Variants in LIMD1 observed in about 807,000 individuals in gnomAD.
LIMD1 encodes the protein LIM domain-containing protein 1.
In LIMD1, 23 loss-of-function variants were observed where a neutral mutation model predicts 58.4. The observed-to-expected ratio is 0.39, with a 90% CI of 0.28 to 0.56. The LOEUF is 0.56. Among genes scored for constraint, LIMD1 ranks in the 20% least tolerant of loss-of-function variants. The pLI is 0.57. For synonymous variants in LIMD1, 334 were observed against 345.5 expected (o/e 0.97, Z 0.37); for missense variants, 838 against 855.5 (o/e 0.98, Z 0.25).
intron 1 of LIMD1, among the ~76,000 whole-genome samples, chr3:45,612,690 C>G (rs761824433): frequency 5.9e-5 from 9 of 152,190 alleles, no homozygotes; most frequent in Non-Finnish European, 2.9e-5. Context: ...GTGCTCACCT[C>G]CAGGCAACTA....
At chr3:45,662,660 AT>A (rs1697458373) in intron 2 of LIMD1, among the ~76,000 whole-genome samples, 1 of 152,092 alleles carries the variant, frequency 6.6e-6, no homozygotes, top group Non-Finnish European at 1.5e-5. Context: ...TACTGTTACC[AT>A]ATATACTATT....
chr3:45,610,636 C>T (rs772043162), intron 1 of LIMD1, among the ~76,000 whole-genome samples: 3 of 152,258 alleles, frequency 2.0e-5, no homozygotes, highest in East Asian at 1.9e-4. Flanking sequence ...TCTGCCACCC[C>T]CCAGCTCTGC....
intron 4 of LIMD1, among the ~76,000 whole-genome samples, chr3:45,669,313 T>G (rs1471996378): frequency 2.0e-5 from 3 of 152,310 alleles, no homozygotes; most frequent in African/African-American, 7.2e-5. Context: ...TCAGAGGAAA[T>G]GATTATATAA....
At chr3:45,657,794 C>T (rs1013638200) in intron 2 of LIMD1, among the ~76,000 whole-genome samples, 3 of 152,116 alleles carry the variant, frequency 2.0e-5, no homozygotes, top group Non-Finnish European at 4.4e-5. Flanking sequence ...ATTTTTACTC[C>T]AGAAAGTTAG....
At position 45,674,344 on chromosome 3, in the gene LIMD1, G is replaced by T; in HGVS notation, c.1826G>T (p.Gly609Val). The change falls in exon 7 of 8, where the codon GGC becomes GTC. Residue 609 changes from glycine to valine, a missense_variant and splice_region_variant. By Grantham distance (109) the Gly-to-Val change is moderately radical. Around this residue, in one of 3 missense-constraint regions of LIMD1, gnomAD observed 174 missense variants for 197.4 expected, o/e 0.88. Coordinates refer to ENST00000273317, the MANE Select transcript of LIMD1 (RefSeq NM_014240.3). ...ACGLPILPPEGSDETIRVVSM... is the reference protein window; with the variant it reads ...ACGLPILPPEVSDETIRVVSM... ...GTTCTTGCTTTTCTCTGGTCCCAGG[G>T]CTCAGATGAGACCATCCGTGTCGTG... 1 of 1,613,664 alleles carries T rather than the reference G, an allele frequency of 6.2e-7. No homozygotes were observed. The highest frequency in any genetic ancestry group is 8.5e-7 in the Non-Finnish European group (1 of 1,179,752).
chr3:45,651,907 T>C (rs144129653), intron 2 of LIMD1, among the ~76,000 whole-genome samples: 5,632 of 150,576 alleles, frequency 0.037, 110 homozygotes, highest in African/African-American at 0.052. Flanking sequence ...GCTAGGATTA[T>C]AGGCGTGAGC....
chr3:45,599,702 A>AC (rs1701392765), intron 1 of LIMD1, among the ~76,000 whole-genome samples: 1 of 152,108 alleles, frequency 6.6e-6, no homozygotes, highest in African/African-American at 2.4e-5. Flanking sequence ...TTTGGAATGT[A>AC]CCCACCTACA....
intron 2 of LIMD1, among the ~76,000 whole-genome samples, chr3:45,652,012 C>T (rs1244056523): frequency 1.3e-5 from 2 of 151,040 alleles, no homozygotes; most frequent in East Asian, 2.0e-4. Context: ...CTGCAACCTC[C>T]GCCTCCCAGG....
intron 1 of LIMD1, among the ~76,000 whole-genome samples, chr3:45,607,602 C>A (rs1384319121): frequency 1.3e-5 from 2 of 151,982 alleles, no homozygotes. Context: ...AGGGAGTTTG[C>A]ATTTAGCATG....
At chr3:45,660,373 C>T (rs971504641) in intron 2 of LIMD1, among the ~76,000 whole-genome samples, 3 of 145,262 alleles carry the variant, frequency 2.1e-5, no homozygotes, top group Admixed American at 6.8e-5. Flanking sequence ...GTTTTGCTTA[C>T]TGGTTGAGCA....
At chr3:45,639,445 T>A (rs1283353537) in intron 2 of LIMD1, among the ~76,000 whole-genome samples, 2 of 152,138 alleles carry the variant, frequency 1.3e-5, no homozygotes, top group Non-Finnish European at 2.9e-5. Flanking sequence ...ACAATAGAAA[T>A]GTATTTCTCA....
In LIMD1 at chr3:45,595,248, G is replaced by A; in HGVS notation, c.369G>A (p.Gly123=). 1 of 1,606,426 alleles carries A rather than the reference G, an allele frequency of 6.2e-7. No homozygotes were observed. The highest frequency in any genetic ancestry group is 8.5e-7 in the Non-Finnish European group (1 of 1,176,342). ...APGAVTTLAA[G]QPPYPPQEQR... ...GGGCAGTCACCACCCTCGCTGCTGG[G>A]CAGCCCCCGTACCCACCGCAGGAGC... is the stretch of plus-strand genomic sequence containing the variant. Residue 123 remains glycine, a synonymous_variant, in exon 1 of 8, where the codon GGG becomes GGA. Coordinates refer to ENST00000273317, the MANE Select transcript of LIMD1 (RefSeq NM_014240.3).
At chr3:45,658,185 G>A (rs1697370110) in intron 2 of LIMD1, among the ~76,000 whole-genome samples, 1 of 152,208 alleles carries the variant, frequency 6.6e-6, no homozygotes, top group South Asian at 2.1e-4. Context: ...ACACTATCCA[G>A]TTTCTAACCT....
intron 1 of LIMD1, among the ~76,000 whole-genome samples, chr3:45,604,410 T>C (rs1181305891): frequency 6.6e-6 from 1 of 152,222 alleles, no homozygotes; most frequent in Non-Finnish European, 1.5e-5. Flanking sequence ...GTGAGGAAGC[T>C]CTCAAACTTC....
At position 45,657,623 on chromosome 3, in the gene LIMD1, A is replaced by G. The variant is rs535262364; in HGVS notation, c.1511-8027A>G. Among the ~76,000 whole-genome samples, 3 of 152,264 alleles carry G rather than the reference A, an allele frequency of 2.0e-5. No individual in the cohort carries two copies. In the East Asian group the frequency reaches 5.8e-4, roughly 29 times the overall value. On this transcript the variant is annotated intron_variant, in intron 2 of 7. Coordinates refer to ENST00000273317, the MANE Select transcript of LIMD1 (RefSeq NM_014240.3). ...TCTGCATATAGGTGTGCATCCAACA[A>G]GCATTAAATACTGCTGCATGGCCTC...
intron 2 of LIMD1, among the ~76,000 whole-genome samples, chr3:45,642,431 C>T (rs889168430): frequency 2.6e-5 from 4 of 152,178 alleles, no homozygotes; most frequent in East Asian, 1.9e-4. Flanking sequence ...TCTGCCTTGG[C>T]GTCCCAAAGT....
At chr3:45,616,737 T>C (rs1007523112) in intron 1 of LIMD1, among the ~76,000 whole-genome samples, 4 of 152,084 alleles carry the variant, frequency 2.6e-5, no homozygotes, top group African/African-American at 9.7e-5. Context: ...TCACTTACAT[T>C]AGATTTGATA....
Position 45,594,799 on chromosome 3 carries a change from A to ACACACACACACACACACACACCC in LIMD1, c.-60_-59insCCCACACACACACACACACACAC, listed in dbSNP as rs1553642006. The ACACACACACACACACACACACCC allele has an allele frequency of 7.0e-6, 1 of 143,848 alleles. No individual in the cohort carries two copies. Among genetic ancestry groups the ACACACACACACACACACACACCC allele is most frequent in the African/African-American group, 4.3e-5 (1 of 23,384 alleles). The allele number at this position is 143,848 out of a possible 1,614,324, so 8.9% of individuals were successfully genotyped here. A position where few individuals can be genotyped will look rare whatever the true frequency, so the allele number is the denominator to read the frequency against. ...CCTCAACACACACACACACACACAC[A>ACACACACACACACACACACACCC]CACACACACACACACACACACACAC... On this transcript the variant is annotated 5_prime_UTR_variant, in exon 1 of 8. Coordinates refer to ENST00000273317, the MANE Select transcript of LIMD1 (RefSeq NM_014240.3).
intron 1 of LIMD1, among the ~76,000 whole-genome samples, chr3:45,610,361 C>A (rs1028661888): frequency 6.6e-6 from 1 of 152,144 alleles, no homozygotes; most frequent in African/African-American, 2.4e-5. Flanking sequence ...CTGTCCACAT[C>A]CCTCACCCTG....
Sources: allele counts gnomAD v4.1 joint callset (sites outside exome capture counted in the v4.1 genomes callset), GRCh38; gene constraint gnomAD v4.1.1; regional missense constraint gnomAD v4.1.1; transcripts MANE v1.5; gene names NCBI Gene and HGNC (gene_info 2026-07-23, HGNC 2026-07-21).